The following ECE1 variants were observed in gnomAD, a reference collection of about 807,000 sequenced individuals.
ECE1 encodes endothelin converting enzyme 1.
Under a neutral mutation model 98.6 loss-of-function variants are expected in ECE1, and 35 were observed. The observed-to-expected ratio is 0.35, with a 90% CI of 0.27 to 0.47. The LOEUF is 0.47. Ranked by LOEUF, ECE1 falls within the 20% of genes least tolerant of loss-of-function variation. ECE1 has a pLI of 1.00. For synonymous variants in ECE1, 394 were observed against 407.1 expected (o/e 0.97, Z 0.39); for missense variants, 814 against 1,025.3 (o/e 0.79, Z 2.81).
At position 21,337,434 on chromosome 1, in the gene ECE1, G is replaced by A. The variant is rs759815208; in HGVS notation, c.3+7942C>T. On this transcript the variant is annotated intron_variant, in intron 1 of 18. Coordinates refer to the ECE1 transcript ENST00000415912. ...CAGGGGACTGATGGAGGAGGCACACGGGAACTGTGGGAATGGTTCACACTT... is the reference window on the plus strand; with the variant it reads ...CAGGGGACTGATGGAGGAGGCACACAGGAACTGTGGGAATGGTTCACACTT... 3.9e-5 allele frequency among the ~76,000 whole-genome samples: 6 copies of A among 152,236 alleles called. No homozygotes were observed. In the East Asian group the frequency reaches 5.8e-4, roughly 15 times the overall value.
rs1044512079 is a variant in ECE1 at position 21,217,691 on chromosome 1, T to C, written c.*2264A>G. On this transcript the variant is annotated 3_prime_UTR_variant, in exon 19 of 19. Coordinates refer to ENST00000374893, the MANE Select transcript of ECE1 (RefSeq NM_001397.3). ...GGGAGGGGAGGCAGAGGGGACACCA[T>C]GGCTGGGAGAAGCCCGCCTCTATGT... 2 of 152,280 alleles carry C rather than the reference T, an allele frequency of 1.3e-5. No individual in the cohort carries two copies. Among genetic ancestry groups the C allele is most frequent in the African/African-American group, 4.8e-5 (2 of 41,424 alleles). 9.4% of individuals were successfully genotyped at this position (152,280 alleles called of 1,614,324 possible). A position where few individuals can be genotyped will look rare whatever the true frequency, so the allele number is the denominator to read the frequency against.
chr1:21,328,706 T>C (rs1639132977), intron 1 of ECE1, among the ~76,000 whole-genome samples: 1 of 138,680 alleles, frequency 7.2e-6, no homozygotes, highest in Non-Finnish European at 1.5e-5. Context: ...GAGGTTGCAG[T>C]GAGTTGAGGT....
In ECE1 at chr1:21,333,082, G is replaced by A. The variant is rs367685589; in HGVS notation, c.3+12294C>T. 3.0e-4 allele frequency among the ~76,000 whole-genome samples: 46 copies of A among 152,244 alleles called. No individual in the cohort carries two copies. In the South Asian group the frequency reaches 8.3e-3, roughly 27 times the overall value. ...ATCCAAGGCTCAGAGAGGAAGACACGCCTGCTAAAAGTCCTTGGTGACAAT... is the reference window on the plus strand; with the variant it reads ...ATCCAAGGCTCAGAGAGGAAGACACACCTGCTAAAAGTCCTTGGTGACAAT... On this transcript the variant is annotated intron_variant, in intron 1 of 18. Coordinates refer to the ECE1 transcript ENST00000415912.
intron 14 of ECE1, among the ~76,000 whole-genome samples, chr1:21,229,970 A>G (rs2098179685): frequency 6.6e-6 from 1 of 152,128 alleles, no homozygotes; most frequent in South Asian, 2.1e-4. Flanking sequence ...CAAGAGTTTG[A>G]GACCAGCCTG....
chr1:21,272,939 T>A lies in ECE1; in HGVS notation c.281-28A>T, dbSNP rs759971455. On this transcript the variant is annotated intron_variant, in intron 3 of 18. Transcript: ENST00000374893. ...GGAAGGGTTAAGGACAAGAGGCCAGTGAAGGGCAGGCAGGGAAGAAGCAGG... is the reference window on the plus strand; with the variant it reads ...GGAAGGGTTAAGGACAAGAGGCCAGAGAAGGGCAGGCAGGGAAGAAGCAGG... The A allele has an allele frequency of 6.2e-6, 10 of 1,612,728 alleles. No individual in the cohort carries two copies. In the Admixed American group the frequency reaches 1.0e-4, roughly 16 times the overall value.
rs2098172364 is a variant in ECE1, at chr1:21,225,190, A to G, written c.2040+60T>C. On this transcript the variant is annotated intron_variant, in intron 17 of 18. Coordinates refer to ENST00000374893, the MANE Select transcript of ECE1 (RefSeq NM_001397.3). The surrounding 1 kb of genome is among the most constrained non-coding windows in gnomAD (Gnocchi z 5.3). Reference sequence around the variant, plus strand: ...GGTTGTCCGTGATGATCCTCTACGGACAGGCATCTGGAAGGAGCCAGCACT... The same window carrying G: ...GGTTGTCCGTGATGATCCTCTACGGGCAGGCATCTGGAAGGAGCCAGCACT... The G allele has an allele frequency of 6.3e-7, 1 of 1,594,114 alleles. No individual in the cohort carries two copies. Among genetic ancestry groups the G allele is most frequent in the Non-Finnish European group, 8.6e-7 (1 of 1,166,766 alleles).
intron 15 of ECE1, among the ~76,000 whole-genome samples, 193 bp downstream of exon 15, chr1:21,227,738 C>T (rs1264419188): frequency 6.6e-6 from 1 of 152,162 alleles, no homozygotes; most frequent in Non-Finnish European, 1.5e-5. Flanking sequence ...CAATACCCCA[C>T]TGTGCAGGGC....
chr1:21,289,998 G>A, intron 2 of ECE1, 72 bp downstream of exon 2: 4 of 1,260,342 alleles, frequency 3.2e-6, no homozygotes, highest in Non-Finnish European at 3.0e-6. Flanking sequence ...AGGGGCGGGG[G>A]GCGCGGCAGC....
At chr1:21,321,211 TC>T (rs1341145713) in intron 1 of ECE1, among the ~76,000 whole-genome samples, 2 of 152,036 alleles carry the variant, frequency 1.3e-5, no homozygotes, top group Non-Finnish European at 2.9e-5. Context: ...ATCTTGCTGC[TC>T]CCCAGGCTGG....
chr1:21,252,248 T>C (rs1413656663), intron 8 of ECE1, among the ~76,000 whole-genome samples: 1 of 152,202 alleles, frequency 6.6e-6, no homozygotes, highest in African/African-American at 2.4e-5. Flanking sequence ...ATAAGATGTG[T>C]TGAATACCAG....
chr1:21,315,018 G>T (rs1202641612), intron 1 of ECE1, among the ~76,000 whole-genome samples: 3 of 152,110 alleles, frequency 2.0e-5, no homozygotes, highest in Non-Finnish European at 4.4e-5. Context: ...GTAGTGATTT[G>T]TATGTATCCC....
chr1:21,264,109 C>G (rs1267208737), intron 4 of ECE1, among the ~76,000 whole-genome samples: 3 of 152,114 alleles, frequency 2.0e-5, no homozygotes, highest in Non-Finnish European at 4.4e-5. Flanking sequence ...GCTGCTGACA[C>G]TGGGGAACCG....
rs139908546 is a variant in ECE1 at position 21,220,119 on chromosome 1, C to T, written c.2149G>A (p.Val717Ile). 27 of 1,612,156 alleles carry T rather than the reference C, an allele frequency of 1.7e-5. No individual in the cohort carries two copies. Among genetic ancestry groups the T allele is most frequent in the Middle Eastern group, 1.7e-4 (1 of 6,050 alleles). ...TCGTGGGAGCTCTCAGGTGTGCGGA[C>T]GGAGCACCAGACCTTTGAAGGGGCA... Reference protein sequence around the residue: ...FLGFAQVWCSVRTPESSHEGL... With the variant: ...FLGFAQVWCSIRTPESSHEGL... The change falls in exon 19 of 19, where the codon GTC becomes ATC. Residue 717 changes from valine to isoleucine, a missense_variant. Val to Ile is a conservative substitution (Grantham distance 29, BLOSUM62 3). This residue lies in a region of ECE1 where 452 missense variants were observed against 567.3 expected (regional missense o/e 0.80). Transcript: ENST00000374893. This position sits in a 1 kb window ranked among gnomAD's most constrained non-coding sequence, Gnocchi z 5.0.
intron 10 of ECE1, among the ~76,000 whole-genome samples, chr1:21,243,257 A>G (rs750917851): frequency 3.9e-5 from 6 of 152,240 alleles, no homozygotes; most frequent in Non-Finnish European, 4.4e-5. Context: ...TAAAAGGTAG[A>G]TATCCAATAA....
intron 4 of ECE1, among the ~76,000 whole-genome samples, chr1:21,268,688 C>T (rs212546): frequency 0.098 from 14,881 of 152,266 alleles, 1,096 homozygotes; most frequent in East Asian, 0.44. Context: ...GGCCTGGGCA[C>T]CTCCGGCTTG....
At chr1:21,270,352 A>G (rs2098238864) in intron 4 of ECE1, among the ~76,000 whole-genome samples, 1 of 152,240 alleles carries the variant, frequency 6.6e-6, no homozygotes, top group African/African-American at 2.4e-5. Context: ...TCCTTCCTTC[A>G]GGCCCTCAGG....
At chr1:21,246,936 G>A (rs1291195341) in intron 9 of ECE1, among the ~76,000 whole-genome samples, 5 of 152,218 alleles carry the variant, frequency 3.3e-5, no homozygotes, top group East Asian at 1.9e-4. Context: ...CCGCAATTAC[G>A]GGCGTTCATG....
intron 1 of ECE1, among the ~76,000 whole-genome samples, chr1:21,296,196 G>A (rs780366885): frequency 1.3e-5 from 2 of 152,138 alleles, no homozygotes; most frequent in African/African-American, 2.4e-5. Context: ...ACAGCAAGAA[G>A]TCAAATACGA....
chr1:21,344,566 C>T (rs2103423976), intron 1 of ECE1, among the ~76,000 whole-genome samples: 1 of 151,890 alleles, frequency 6.6e-6, no homozygotes, highest in Admixed American at 6.5e-5. Flanking sequence ...AATGCCCCTC[C>T]CAACAGCCCC....
Sources: gnomAD v4.1 joint callset for allele counts (sites outside exome capture counted in the v4.1 genomes callset) on GRCh38, gnomAD v4.1.1 for gene constraint, gnomAD v4.1.1 regional missense constraint, Gnocchi (gnomAD v3.1) non-coding constraint, MANE v1.5 for transcripts, NCBI Gene and HGNC (gene_info 2026-07-23, HGNC 2026-07-21) for gene names.